Variants in LINGO2 observed in about 807,000 individuals in gnomAD.
LINGO2 encodes the protein leucine rich repeat and Ig domain containing 2, also known as leucine-rich repeat and immunoglobulin-like domain-containing nogo receptor-interacting protein 2.
In LINGO2, 14 loss-of-function variants were observed where a neutral mutation model predicts 30.6. The observed-to-expected ratio is 0.46, with a 90% CI of 0.30 to 0.72. The LOEUF (loss-of-function observed/expected upper bound fraction) is 0.72. Among genes scored for constraint, LINGO2 ranks in the 30% least tolerant of loss-of-function variants. LINGO2 has a pLI of 0.07. For missense variants in LINGO2, 729 were observed against 751.7 expected (o/e 0.97, Z 0.35); for synonymous variants, 317 against 288.5 (o/e 1.10, Z -1.00).
Position 27,961,642 on chromosome 9 carries a change from T to C in LINGO2, c.-35-10936A>G, listed in dbSNP as rs12686331. On this transcript the variant is annotated intron_variant, in intron 5 of 5. Transcript: ENST00000379992. The stretch of plus-strand genomic sequence containing the variant: ...AAGTGTTTTATGCAAAAGAGTGATA[T>C]GATCAGATTTACATTTTGGAAAAAT... Among the ~76,000 whole-genome samples the C allele has an allele frequency of 9.3e-3, 1,423 of 152,298 alleles. 118 individuals are homozygous for C. The East Asian group carries it at 0.18, about 20-fold the overall frequency.
intron 1 of LINGO2, among the ~76,000 whole-genome samples, chr9:28,517,995 C>T (rs147353187): frequency 3.3e-5 from 5 of 152,198 alleles, no homozygotes; most frequent in African/African-American, 1.2e-4. Context: ...CAATTGGATT[C>T]CAAGATCTTA....
intron 3 of LINGO2, among the ~76,000 whole-genome samples, chr9:28,310,980 T>G (rs543833896): frequency 2.6e-5 from 4 of 152,184 alleles, no homozygotes; most frequent in Non-Finnish European, 5.9e-5. Context: ...TGGGGGAAAT[T>G]CAGCCAGATA....
chr9:28,285,394 G>C (rs1823468829), intron 4 of LINGO2, among the ~76,000 whole-genome samples: 1 of 135,476 alleles, frequency 7.4e-6, no homozygotes, highest in Admixed American at 8.1e-5. Context: ...CGTTGCCCAA[G>C]ATCATTTTTT....
chr9:28,035,515 CGA>C (rs1823886990), intron 4 of LINGO2, among the ~76,000 whole-genome samples: 2 of 152,088 alleles, frequency 1.3e-5, no homozygotes, highest in Non-Finnish European at 2.9e-5. Flanking sequence ...ATGAAATAGT[CGA>C]ATTTTTGGTA....
rs569232975 is a variant in LINGO2, at chr9:28,237,718, G to C, written c.-87+57490C>G. On this transcript the variant is annotated intron_variant, in intron 4 of 5. Coordinates refer to ENST00000379992, the Ensembl canonical transcript of LINGO2. Reference sequence around the variant, plus strand: ...AAATACAGAAAAATTAGCCGGGCATGGTGGCACATGCCTGTAATCCCAGCT... The same window carrying C: ...AAATACAGAAAAATTAGCCGGGCATCGTGGCACATGCCTGTAATCCCAGCT... Among the ~76,000 whole-genome samples the C allele has an allele frequency of 8.5e-5, 13 of 152,172 alleles. No individual in the cohort carries two copies. The South Asian group carries it at 2.7e-3, about 32-fold the overall frequency.
chr9:29,083,886 T>A, the LINGO2 span, among the ~76,000 whole-genome samples: 1 of 152,042 alleles, frequency 6.6e-6, no homozygotes, highest in African/African-American at 2.4e-5. Context: ...TAATATTAAC[T>A]CATTTTAGGA....
intron 4 of LINGO2, among the ~76,000 whole-genome samples, chr9:28,272,641 T>A (rs145837994): frequency 3.3e-5 from 5 of 152,252 alleles, no homozygotes; most frequent in South Asian, 2.1e-4. Context: ...CTTCCTTTTT[T>A]AATTCCCTTT....
the LINGO2 span, among the ~76,000 whole-genome samples, chr9:28,733,706 C>T: frequency 1.3e-5 from 2 of 152,056 alleles, no homozygotes; most frequent in Non-Finnish European, 2.9e-5. Flanking sequence ...TCAAGTTAAC[C>T]TCTGTGCCTT....
At chr9:28,098,384 GTATAA>G (rs1826311439) in intron 4 of LINGO2, among the ~76,000 whole-genome samples, 1 of 152,110 alleles carries the variant, frequency 6.6e-6, no homozygotes, top group South Asian at 2.1e-4. Context: ...TGGGTGAATT[GTATAA>G]TATGTGAATT....
chr9:29,153,094 A>AT, the LINGO2 span, among the ~76,000 whole-genome samples: 1 of 152,142 alleles, frequency 6.6e-6, no homozygotes, highest in Non-Finnish European at 1.5e-5. Flanking sequence ...TAATGAATAG[A>AT]TTAAGTTTTA....
the LINGO2 span, among the ~76,000 whole-genome samples, chr9:28,905,338 A>C: frequency 6.6e-6 from 1 of 151,840 alleles, no homozygotes; most frequent in Non-Finnish European, 1.5e-5. Flanking sequence ...CCAAAGAAAC[A>C]ATCAAAAGAA....
the LINGO2 span, among the ~76,000 whole-genome samples, chr9:28,727,417 C>G: frequency 6.6e-6 from 1 of 152,038 alleles, no homozygotes; most frequent in African/African-American, 2.4e-5. Flanking sequence ...TCCCGAGTAG[C>G]TGGGACTATG....
At chr9:27,961,824 A>C (rs1178708847) in intron 5 of LINGO2, among the ~76,000 whole-genome samples, 1 of 152,136 alleles carries the variant, frequency 6.6e-6, no homozygotes, top group African/African-American at 2.4e-5. Context: ...AGGTATTCTG[A>C]GGCACAACAG....
the LINGO2 span, among the ~76,000 whole-genome samples, chr9:28,915,528 T>C: frequency 6.6e-6 from 1 of 152,190 alleles, no homozygotes; most frequent in African/African-American, 2.4e-5. Flanking sequence ...CATATTTACA[T>C]ATGTGTGTTT....
chr9:28,883,170 G>A, the LINGO2 span, among the ~76,000 whole-genome samples: 4 of 151,986 alleles, frequency 2.6e-5, no homozygotes, highest in African/African-American at 7.2e-5. Context: ...CTCTGGTCAT[G>A]TCAGTCTTCT....
chr9:28,452,517 T>C (rs999039454), intron 2 of LINGO2, among the ~76,000 whole-genome samples: 1 of 151,902 alleles, frequency 6.6e-6, no homozygotes, highest in East Asian at 1.9e-4. Context: ...ATTAAATACA[T>C]AATTTTCCAA....
chr9:29,207,509 G>A, the LINGO2 span, among the ~76,000 whole-genome samples: 6 of 151,950 alleles, frequency 3.9e-5, no homozygotes, highest in Admixed American at 1.3e-4. Context: ...TGAATGTGCT[G>A]GGAATCTTAT....
intron 3 of LINGO2, among the ~76,000 whole-genome samples, chr9:28,365,753 C>T (rs1040172514): frequency 7.2e-6 from 1 of 139,014 alleles, no homozygotes; most frequent in Admixed American, 7.9e-5. Flanking sequence ...TACAAAGGAA[C>T]CTTTGGATCC....
intron 4 of LINGO2, among the ~76,000 whole-genome samples, chr9:28,172,026 A>AG (rs1197256106): frequency 1.2e-5 from 1 of 82,612 alleles, no homozygotes; most frequent in Admixed American, 1.1e-4. Context: ...CAAAAAAAAA[A>AG]AAAAAAACAA....
Sources: allele counts gnomAD v4.1 joint callset (sites outside exome capture counted in the v4.1 genomes callset), GRCh38; gene constraint gnomAD v4.1.1; transcripts MANE v1.5; gene names NCBI Gene and HGNC (gene_info 2026-07-23, HGNC 2026-07-21).